Variants in ZNF292 observed in about 807,000 individuals in gnomAD.
ZNF292 encodes 16 zinc-finger domain protein.
A neutral mutation model predicts 217.9 loss-of-function variants in ZNF292; 26 were observed. That is an observed-to-expected ratio of 0.12 (90% CI 0.09 to 0.17). The LOEUF is 0.17. ZNF292 is among the 10% of genes least tolerant of loss of function. The probability of loss-of-function intolerance (pLI) is 1.00; values close to 1 mark genes in which losing one functional copy is unlikely to be tolerated. For missense variants in ZNF292, 2,904 were observed against 3,175.2 expected (o/e 0.91, Z 2.05); for synonymous variants, 1,257 against 1,124.1 (o/e 1.12, Z -2.37).
intron 1 of ZNF292, among the ~76,000 whole-genome samples, chr6:87,209,771 ATAAG>A (rs1230037342): frequency 6.6e-6 from 1 of 152,188 alleles, no homozygotes; most frequent in African/African-American, 2.4e-5. Flanking sequence ...AAACTTGTTT[ATAAG>A]TAAGTAAAAG....
chr6:87,174,954 T>A (rs1342494890), intron 1 of ZNF292, among the ~76,000 whole-genome samples: 2 of 152,212 alleles, frequency 1.3e-5, no homozygotes, highest in East Asian at 3.9e-4. Flanking sequence ...TCTGGACTTT[T>A]CATTTCCTTC....
chr6:87,212,160 A>G (rs1180161800), intron 1 of ZNF292, among the ~76,000 whole-genome samples: 2 of 152,200 alleles, frequency 1.3e-5, no homozygotes, highest in Non-Finnish European at 2.9e-5. Context: ...TATAAAGGAT[A>G]CAAATGAACA....
intron 1 of ZNF292, among the ~76,000 whole-genome samples, chr6:87,198,622 A>ATTAAG (rs1268486997): frequency 6.6e-6 from 1 of 152,154 alleles, no homozygotes; most frequent in African/African-American, 2.4e-5. Flanking sequence ...AAGTACTTAA[A>ATTAAG]TATATTAGAC....
At position 87,259,332 on chromosome 6, in the gene ZNF292, C is replaced by T; in HGVS notation, c.5703C>T (p.Pro1901=). 5 of 1,613,426 alleles carry T rather than the reference C, an allele frequency of 3.1e-6. No homozygotes were observed. Among genetic ancestry groups the T allele is most frequent in the Non-Finnish European group, 4.2e-6 (5 of 1,179,652 alleles). The change falls in exon 8 of 8, where the codon CCC becomes CCT. Residue 1901 remains proline, a synonymous_variant. Coordinates refer to ENST00000369577, the MANE Select transcript of ZNF292 (RefSeq NM_015021.3). ...AATTTAATGACAAAGTTAATAAACCCTTTGTGTGTCAAAACCAAGGCTGTA... is the reference window on the plus strand; with the variant it reads ...AATTTAATGACAAAGTTAATAAACCTTTTGTGTGTCAAAACCAAGGCTGTA... ...NIQFNDKVNK[P]FVCQNQGCNY...
At chr6:87,197,205 T>G (rs1172933886) in intron 1 of ZNF292, among the ~76,000 whole-genome samples, 1 of 152,150 alleles carries the variant, frequency 6.6e-6, no homozygotes, top group Non-Finnish European at 1.5e-5. Context: ...GAAAACAACC[T>G]TTTGGGAAAG....
Position 87,255,952 on chromosome 6 carries a change from C to G in ZNF292, c.2323C>G (p.Gln775Glu), listed in dbSNP as rs1245258520. The G allele has an allele frequency of 6.2e-7, 1 of 1,612,562 alleles. No individual in the cohort carries two copies. Among genetic ancestry groups the G allele is most frequent in the Non-Finnish European group, 8.5e-7 (1 of 1,179,172 alleles). The change falls in exon 8 of 8, where the codon CAA becomes GAA. Residue 775 changes from glutamine to glutamate, a missense_variant. By Grantham distance (29) the Gln-to-Glu change is conservative (BLOSUM62 2). Transcript: ENST00000369577. ...GCTTTTAACCCACCGAAAGGAGCAT[C>G]AAGTCTTTAGAGCAAAATGTATGTT... Reference protein sequence around the residue: ...AELLTHRKEHQVFRAKCMFPK... With the variant: ...AELLTHRKEHEVFRAKCMFPK...
intron 1 of ZNF292, among the ~76,000 whole-genome samples, chr6:87,199,534 T>A (rs1047948964): frequency 2.0e-5 from 3 of 152,222 alleles, no homozygotes; most frequent in Non-Finnish European, 4.4e-5. Context: ...AAATAGATCA[T>A]GTTTGGTGTT....
At chr6:87,239,516 G>A (rs1318365685) in intron 5 of ZNF292, among the ~76,000 whole-genome samples, 3 of 109,492 alleles carry the variant, frequency 2.7e-5, no homozygotes, top group Non-Finnish European at 3.9e-5. Context: ...CTGATGGGGC[G>A]GCTGGCCGGG....
intron 1 of ZNF292, among the ~76,000 whole-genome samples, chr6:87,210,730 A>T (rs1203811384): frequency 1.3e-5 from 2 of 152,084 alleles, no homozygotes; most frequent in African/African-American, 4.8e-5. Context: ...CTGTGAGCCG[A>T]GATCATGCCA....
At chr6:87,172,624 G>A (rs983129085) in intron 1 of ZNF292, among the ~76,000 whole-genome samples, 14 of 152,056 alleles carry the variant, frequency 9.2e-5, no homozygotes, top group Admixed American at 7.9e-4. Flanking sequence ...AATAACATAG[G>A]ACCAGGCATG....
At chr6:87,183,927 T>C (rs982094635) in intron 1 of ZNF292, among the ~76,000 whole-genome samples, 22 of 152,218 alleles carry the variant, frequency 1.4e-4, no homozygotes, top group African/African-American at 4.8e-4. Context: ...CCACCACATA[T>C]GCAGTTGCCC....
chr6:87,180,584 C>T (rs1227498663), intron 1 of ZNF292, among the ~76,000 whole-genome samples: 3 of 152,220 alleles, frequency 2.0e-5, no homozygotes, highest in Non-Finnish European at 4.4e-5. Flanking sequence ...TGTCTACTTA[C>T]ACTCAGGAGG....
chr6:87,156,502 C>T (rs1451856757), intron 1 of ZNF292, among the ~76,000 whole-genome samples: 2 of 152,152 alleles, frequency 1.3e-5, no homozygotes, highest in Non-Finnish European at 2.9e-5. Context: ...CCTTTTGGGG[C>T]GGTTTTTCCA....
At chr6:87,157,556 A>C (rs1376911094) in intron 1 of ZNF292, among the ~76,000 whole-genome samples, 1 of 152,186 alleles carries the variant, frequency 6.6e-6, no homozygotes, top group Non-Finnish European at 1.5e-5. Flanking sequence ...ATTACTGTAA[A>C]TTCTTTTTTT....
chr6:87,218,825 CA>C, intron 4 of ZNF292, 94 bp downstream of exon 4: 1 of 1,307,648 alleles, frequency 7.6e-7, no homozygotes, highest in Non-Finnish European at 1.0e-6. Context: ...CAAGATATTC[CA>C]AAGAAGGACC....
rs761275520 is a variant in ZNF292, at chr6:87,155,633, C to G, written c.42C>G (p.Gly14=). ...CCGAGCAGGAGAGGTTGAGTTGCGG[C>G]GAAGGCGGCTGCGTCGCGGAGCTGC... ...EEAEQERLSC[G]EGGCVAELQR... The change falls in exon 1 of 8, where the codon GGC becomes GGG. Residue 14 remains glycine, a synonymous_variant. Transcript: ENST00000369577. The G allele has an allele frequency of 3.6e-5, 57 of 1,582,518 alleles. No homozygotes were observed. Among genetic ancestry groups the G allele is most frequent in the Non-Finnish European group, 4.5e-5 (52 of 1,165,800 alleles).
chr6:87,161,448 G>GTC (rs2127768893), intron 1 of ZNF292, among the ~76,000 whole-genome samples: 2 of 152,272 alleles, frequency 1.3e-5, no homozygotes, highest in South Asian at 4.1e-4. Context: ...TTGAGACAGG[G>GTC]TCTCCACTCT....
At chr6:87,168,550 A>T (rs1015715456) in intron 1 of ZNF292, among the ~76,000 whole-genome samples, 2 of 152,082 alleles carry the variant, frequency 1.3e-5, no homozygotes, top group African/African-American at 4.8e-5. Context: ...GCTCACTGTA[A>T]CCTCTGCCTC....
At chr6:87,222,416 C>G (rs62439538) in intron 4 of ZNF292, among the ~76,000 whole-genome samples, 1 of 151,958 alleles carries the variant, frequency 6.6e-6, no homozygotes, top group African/African-American at 2.4e-5. Context: ...GGTGAAAGAC[C>G]ATAACAAGTG....
Sources: allele counts gnomAD v4.1 joint callset (sites outside exome capture counted in the v4.1 genomes callset), GRCh38; gene constraint gnomAD v4.1.1; transcripts MANE v1.5; gene names NCBI Gene and HGNC (gene_info 2026-07-23, HGNC 2026-07-21).